Variants in DSCAM observed in about 807,000 individuals in gnomAD.
The protein encoded by DSCAM is DS cell adhesion molecule, also known as cell adhesion molecule DSCAM.
DSCAM carries 47 observed loss-of-function variants against 217.7 expected under a neutral mutation model. That is an observed-to-expected ratio of 0.22 (90% CI 0.17 to 0.28). The LOEUF is 0.28. Among genes scored for constraint, DSCAM ranks in the 10% least tolerant of loss-of-function variants. DSCAM has a pLI of 1.00. For synonymous variants in DSCAM, 1,056 were observed against 1,015.3 expected (o/e 1.04, Z -0.76); for missense variants, 2,080 against 2,618.3 (o/e 0.79, Z 4.49).
rs919670043 is a variant in DSCAM, at chr21:40,052,198, T to C, written c.5036-91A>G. 1.6e-5 allele frequency: 23 copies of C among 1,428,776 alleles called. No homozygotes were observed. The African/African-American group carries it at 3.3e-4, about 20-fold the overall frequency. 88.5% of individuals were successfully genotyped at this position (1,428,776 alleles called of 1,614,324 possible). A position where few individuals can be genotyped will look rare whatever the true frequency, so the allele number is the denominator to read the frequency against. On this transcript the variant is annotated intron_variant, in intron 29 of 32. Coordinates refer to ENST00000400454, the MANE Select transcript of DSCAM (RefSeq NM_001389.5). ...TTTCTCTCCTGAGGCACTTGTGTTA[T>C]TGTTAATGACAACCACAATAATAGC...
At chr21:40,455,788 AC>A (rs1241324325) in intron 3 of DSCAM, among the ~76,000 whole-genome samples, 2 of 152,158 alleles carry the variant, frequency 1.3e-5, no homozygotes, top group East Asian at 3.9e-4. Context: ...ACAAAACAAA[AC>A]AAAAAAACGA....
chr21:40,029,361 C>T (rs1017315704), intron 32 of DSCAM, among the ~76,000 whole-genome samples: 1 of 146,024 alleles, frequency 6.8e-6, no homozygotes, highest in Non-Finnish European at 1.6e-5. Context: ...TGTGCTCATG[C>T]CCTCTGGGCC....
chr21:40,635,823 G>A (rs144040260), intron 3 of DSCAM, among the ~76,000 whole-genome samples: 2 of 151,982 alleles, frequency 1.3e-5, no homozygotes, highest in East Asian at 1.9e-4. Context: ...TTTTGTAATC[G>A]CTCAGAACTG....
chr21:40,398,155 C>T (rs977057052), intron 3 of DSCAM, among the ~76,000 whole-genome samples: 10 of 152,192 alleles, frequency 6.6e-5, no homozygotes, highest in East Asian at 5.8e-4. Context: ...CTACAAACTA[C>T]GGAATCTTCA....
intron 3 of DSCAM, among the ~76,000 whole-genome samples, chr21:40,468,578 G>A (rs1232234642): frequency 1.3e-5 from 2 of 152,078 alleles, no homozygotes; most frequent in East Asian, 3.9e-4. Flanking sequence ...GTTTGGAGTG[G>A]GGCAAGGGCT....
intron 20 of DSCAM, among the ~76,000 whole-genome samples, chr21:40,120,867 A>G (rs988058329): frequency 6.6e-6 from 1 of 151,780 alleles, no homozygotes; most frequent in Non-Finnish European, 1.5e-5. Context: ...CTATCAGCAG[A>G]CATTATATGT....
chr21:40,167,130 G>C (rs1346685888), intron 16 of DSCAM, 88 bp downstream of exon 16: 3 of 1,155,046 alleles, frequency 2.6e-6, no homozygotes, highest in Non-Finnish European at 3.7e-6. Context: ...TGTAAAATTC[G>C]AGAGTCTTGG....
In DSCAM at chr21:40,379,145, C is replaced by T. The variant is rs963776805; in HGVS notation, c.509-9900G>A. On this transcript the variant is annotated intron_variant, in intron 3 of 32. Transcript: ENST00000400454. ...AGAGGCCTGGATCAGCAGATATCTG[C>T]CCAAATGTTAACTGTGGTTGCCTCT... is the stretch of plus-strand genomic sequence containing the variant. Among the ~76,000 whole-genome samples the T allele has an allele frequency of 5.3e-5, 8 of 152,116 alleles. No homozygotes were observed. In the South Asian group the frequency reaches 1.2e-3, roughly 24 times the overall value.
chr21:40,718,802 C>A (rs1209912700), intron 1 of DSCAM, among the ~76,000 whole-genome samples: 1 of 152,162 alleles, frequency 6.6e-6, no homozygotes, highest in South Asian at 2.1e-4. Context: ...TGAACTCCTA[C>A]ACACCAATAT....
chr21:40,443,691 A>T (rs1054814771), intron 3 of DSCAM, among the ~76,000 whole-genome samples: 2 of 152,338 alleles, frequency 1.3e-5, no homozygotes, highest in Middle Eastern at 3.4e-3. Flanking sequence ...TGAAATTTTT[A>T]AAAAAGTAAA....
intron 14 of DSCAM, among the ~76,000 whole-genome samples, chr21:40,180,441 G>A (rs1332934318): frequency 6.6e-6 from 1 of 152,076 alleles, no homozygotes; most frequent in Admixed American, 6.5e-5. Context: ...GATTAGAGGT[G>A]GAAAAACATG....
chr21:40,275,712 A>G (rs186743967), intron 11 of DSCAM, among the ~76,000 whole-genome samples: 60 of 152,334 alleles, frequency 3.9e-4, no homozygotes, highest in African/African-American at 1.4e-3. Context: ...AGGCTTTGTA[A>G]AGAGCACATC....
chr21:40,431,970 C>T (rs1479099844), intron 3 of DSCAM, among the ~76,000 whole-genome samples: 1 of 152,072 alleles, frequency 6.6e-6, no homozygotes, highest in Non-Finnish European at 1.5e-5. Flanking sequence ...GAGGCCAAGG[C>T]GGGCAGGTCA....
chr21:40,798,677 G>A (rs964261640), intron 1 of DSCAM, among the ~76,000 whole-genome samples: 2 of 152,002 alleles, frequency 1.3e-5, no homozygotes, highest in Non-Finnish European at 2.9e-5. Flanking sequence ...TGAAGAAAAT[G>A]TTCATGAAGC....
chr21:40,814,893 T>A (rs532897218), intron 1 of DSCAM, among the ~76,000 whole-genome samples: 8 of 152,224 alleles, frequency 5.3e-5, no homozygotes, highest in Non-Finnish European at 1.5e-5. Context: ...GATCTTGTAT[T>A]CTTATTCATG....
intron 3 of DSCAM, among the ~76,000 whole-genome samples, chr21:40,602,940 T>G (rs867466369): frequency 7.7e-6 from 1 of 130,298 alleles, no homozygotes; most frequent in Non-Finnish European, 1.6e-5. Flanking sequence ...TTCAAATCTT[T>G]TTTCTTTTCT....
intron 1 of DSCAM, among the ~76,000 whole-genome samples, chr21:40,777,250 A>G: frequency 6.6e-6 from 1 of 152,152 alleles, no homozygotes; most frequent in East Asian, 1.9e-4. Flanking sequence ...CACACTTATG[A>G]CCTAATCACC....
chr21:40,370,811 G>A (rs1387556245), intron 3 of DSCAM, among the ~76,000 whole-genome samples: 2 of 151,810 alleles, frequency 1.3e-5, no homozygotes, highest in African/African-American at 2.4e-5. Context: ...TTATAGAGAC[G>A]AGATCTCACC....
chr21:40,510,782 T>C (rs7281675), intron 3 of DSCAM, among the ~76,000 whole-genome samples: 13,379 of 152,228 alleles, frequency 0.088, 685 homozygotes, highest in Middle Eastern at 0.16. Context: ...TCCTTTTCAG[T>C]GTCTGTAAGT....
Sources: allele counts gnomAD v4.1 joint callset (sites outside exome capture counted in the v4.1 genomes callset), GRCh38; gene constraint gnomAD v4.1.1; transcripts MANE v1.5; gene names NCBI Gene and HGNC (gene_info 2026-07-23, HGNC 2026-07-21).